WDR72: variants seen among roughly 807,000 people sequenced by gnomAD.
WDR72 encodes the protein WD repeat domain 72.
WDR72 carries 120 observed loss-of-function variants against 124.2 expected under a neutral mutation model. That is an observed-to-expected ratio of 0.97 (90% confidence interval 0.83 to 1.12). The LOEUF (loss-of-function observed/expected upper bound fraction) is 1.12, where lower values mean the gene tolerates loss of function less well. WDR72 is among the 50% of genes most tolerant of loss of function. WDR72 has a pLI of 0.00. For synonymous variants in WDR72, 452 were observed against 441.7 expected (o/e 1.02, Z -0.29); for missense variants, 1,387 against 1,278.8 (o/e 1.08, Z -1.29).
At chr15:53,644,827 G>T (rs1232452478) in intron 14 of WDR72, among the ~76,000 whole-genome samples, 2 of 152,080 alleles carry the variant, frequency 1.3e-5, no homozygotes, top group East Asian at 3.9e-4. Context: ...TGATGCACAG[G>T]AAGAACATGG....
At chr15:53,689,644 G>A (rs1173994812) in intron 13 of WDR72, among the ~76,000 whole-genome samples, 1 of 148,728 alleles carries the variant, frequency 6.7e-6, no homozygotes, top group East Asian at 2.0e-4. Flanking sequence ...CAACCATTGT[G>A]GAAGTCAGTG....
intron 2 of WDR72, among the ~76,000 whole-genome samples, chr15:53,729,123 G>C (rs2018126407): frequency 1.3e-5 from 2 of 152,024 alleles, no homozygotes; most frequent in Admixed American, 1.3e-4. Context: ...CCCTAAATCT[G>C]GGAAAGATCC....
chr15:53,721,876 A>G (rs2126191), intron 3 of WDR72, among the ~76,000 whole-genome samples: 60,979 of 151,788 alleles, frequency 0.4, 12,432 homozygotes, highest in East Asian at 0.47. Flanking sequence ...CATCAGTGGA[A>G]CTTTTTCCTA....
chr15:53,670,818 G>T (rs949785213), intron 13 of WDR72, among the ~76,000 whole-genome samples: 39 of 152,166 alleles, frequency 2.6e-4, no homozygotes, highest in African/African-American at 9.4e-4. Flanking sequence ...ACACGAGAGA[G>T]GTCCTCACTC....
At chr15:53,744,054 C>T (rs551813439) in intron 1 of WDR72, among the ~76,000 whole-genome samples, 1 of 152,004 alleles carries the variant, frequency 6.6e-6, no homozygotes, top group African/African-American at 2.4e-5. Context: ...TGTGCAGTAA[C>T]GTTTCTGTTT....
intron 14 of WDR72, among the ~76,000 whole-genome samples, chr15:53,654,439 C>T (rs2015345658): frequency 6.6e-6 from 1 of 152,144 alleles, no homozygotes. Flanking sequence ...TTTCCTGTTA[C>T]AAAACTGAAG....
Position 53,663,679 on chromosome 15 carries a change from A to G in WDR72, c.1962+1893T>C, listed in dbSNP as rs184805513. Among the ~76,000 whole-genome samples, 11 of 152,202 alleles carry G rather than the reference A, an allele frequency of 7.2e-5. No homozygotes were observed. The East Asian group carries it at 1.9e-3, about 27-fold the overall frequency. On this transcript the variant is annotated intron_variant, in intron 14 of 19. Coordinates refer to ENST00000360509, the MANE Select transcript of WDR72 (RefSeq NM_182758.4). Reference sequence around the variant, plus strand: ...AGAGACATTCCCCCGGTTCTCAGCTAATACTCTGACATATAATTTCCACTA... The same window carrying G: ...AGAGACATTCCCCCGGTTCTCAGCTGATACTCTGACATATAATTTCCACTA...
intron 13 of WDR72, among the ~76,000 whole-genome samples, chr15:53,682,281 G>A (rs2016417626): frequency 6.6e-6 from 1 of 151,512 alleles, no homozygotes; most frequent in Non-Finnish European, 1.5e-5. Context: ...TTCACCACAT[G>A]GAACTAAAGA....
chr15:53,623,284 G>C (rs1314910866), intron 14 of WDR72, among the ~76,000 whole-genome samples: 2 of 151,762 alleles, frequency 1.3e-5, no homozygotes, highest in Non-Finnish European at 2.9e-5. Flanking sequence ...TTTCCATTTA[G>C]TAGTCCCCAG....
intron 13 of WDR72, among the ~76,000 whole-genome samples, chr15:53,694,160 G>C (rs1045970880): frequency 1.3e-5 from 2 of 152,154 alleles, no homozygotes; most frequent in Non-Finnish European, 2.9e-5. Flanking sequence ...AGCCAGCCCA[G>C]TTCTCCAACA....
rs377461461 is a variant in WDR72 at position 53,597,151 on chromosome 15, G to T, written c.3076C>A (p.Gln1026Lys). Residue 1026 changes from glutamine to lysine, a missense_variant, in exon 18 of 20, where the codon CAG becomes AAG. Physicochemically the swap from Gln to Lys is moderately conservative, Grantham distance 53. Coordinates refer to ENST00000360509, the MANE Select transcript of WDR72 (RefSeq NM_182758.4). ...MAENGNCEMK[Q>K]MLPKLEWTEE... ...GTCCATTCCAGCTTTGGCAGCATCT[G>T]CTTCATCTCACAGTTACCATTCTCT... 82 of 1,613,898 alleles carry T rather than the reference G, an allele frequency of 5.1e-5. No individual in the cohort carries two copies. In the African/African-American group the frequency reaches 7.9e-4, roughly 15 times the overall value.
chr15:53,675,241 G>A (rs184518964), intron 13 of WDR72, among the ~76,000 whole-genome samples: 2 of 151,836 alleles, frequency 1.3e-5, no homozygotes, highest in African/African-American at 4.8e-5. Context: ...TACTTGGCAA[G>A]CTGAGGCAGA....
chr15:53,682,380 G>C (rs2016422177), intron 13 of WDR72, among the ~76,000 whole-genome samples: 1 of 152,018 alleles, frequency 6.6e-6, no homozygotes. Context: ...ACTGGGTCTT[G>C]TCTCTACATT....
intron 8 of WDR72, 50 bp downstream of exon 8, chr15:53,711,286 A>C (rs755613672): frequency 8.7e-6 from 14 of 1,613,464 alleles, no homozygotes; most frequent in Non-Finnish European, 1.2e-5. Flanking sequence ...AACCTCCCAA[A>C]GTTCATTTTC....
chr15:53,654,187 T>G (rs1466981376), intron 14 of WDR72, among the ~76,000 whole-genome samples: 1 of 152,134 alleles, frequency 6.6e-6, no homozygotes, highest in African/African-American at 2.4e-5. Context: ...GCAACCATAC[T>G]AAATGATTTA....
At position 53,513,745 on chromosome 15, in the gene WDR72, G is replaced by T. The variant is rs1427593881; in HGVS notation, c.*3954C>A. 6.6e-6 allele frequency: 1 copy of T among 151,936 alleles called. No individual in the cohort carries two copies. 9.4% of individuals were successfully genotyped at this position (151,936 alleles called of 1,614,324 possible). A position where few individuals can be genotyped will look rare whatever the true frequency, so the allele number is the denominator to read the frequency against. ...AAAACAAACAAAAAACAGTAATCAA[G>T]ATAAATATATTTTAATACAATATTT... On this transcript the variant is annotated 3_prime_UTR_variant, in exon 20 of 20. Coordinates refer to ENST00000360509, the MANE Select transcript of WDR72 (RefSeq NM_182758.4).
intron 14 of WDR72, among the ~76,000 whole-genome samples, chr15:53,641,472 C>T (rs2633249): frequency 0.091 from 13,878 of 151,994 alleles, 1,606 homozygotes; most frequent in African/African-American, 0.27. Context: ...GCTCAATTCA[C>T]ATATTTGTTT....
Position 53,739,604 on chromosome 15 carries a change from A to T in WDR72, c.-12-6443T>A, listed in dbSNP as rs142107253. On this transcript the variant is annotated intron_variant, in intron 1 of 19. Coordinates refer to ENST00000360509, the MANE Select transcript of WDR72 (RefSeq NM_182758.4). Reference sequence around the variant, plus strand: ...CCAGATAAATTGGATACAAGTGAAGACTGCAAAGCAGGTAGTGAGAAGGAC... The same window carrying T: ...CCAGATAAATTGGATACAAGTGAAGTCTGCAAAGCAGGTAGTGAGAAGGAC... 1.9e-3 allele frequency among the ~76,000 whole-genome samples: 292 copies of T among 152,188 alleles called. 2 individuals are homozygous for T. The highest frequency in any genetic ancestry group is 6.8e-3 in the African/African-American group (281 of 41,576).
Position 53,616,316 on chromosome 15 carries a change from G to T in WDR72, c.1963-73C>A, listed in dbSNP as rs111808423. 5 of 1,352,918 alleles carry T rather than the reference G, an allele frequency of 3.7e-6. No individual in the cohort carries two copies. In the African/African-American group the frequency reaches 5.8e-5, roughly 16 times the overall value. The allele number at this position is 1,352,918 out of a possible 1,614,324, so 83.8% of individuals were successfully genotyped here. ...ATTAAAGATTCCATGATGTTAAAGTGGCATTTTTAAAAAGTATTACATTGC... is the reference window on the plus strand; with the variant it reads ...ATTAAAGATTCCATGATGTTAAAGTTGCATTTTTAAAAAGTATTACATTGC... On this transcript the variant is annotated intron_variant, in intron 14 of 19. Coordinates refer to ENST00000360509, the MANE Select transcript of WDR72 (RefSeq NM_182758.4).
Sources: gnomAD v4.1 joint callset for allele counts (sites outside exome capture counted in the v4.1 genomes callset) on GRCh38, gnomAD v4.1.1 for gene constraint, MANE v1.5 for transcripts, NCBI Gene and HGNC (gene_info 2026-07-23, HGNC 2026-07-21) for gene names.